The following SGCZ variants were observed in gnomAD, a reference collection of about 807,000 sequenced individuals.
SGCZ encodes zeta-sarcoglycan.
Under a neutral mutation model 41.3 loss-of-function variants are expected in SGCZ, and 40 were observed. The observed-to-expected ratio is 0.97, with a 90% CI of 0.75 to 1.26. SGCZ has a LOEUF of 1.26. Ranked by LOEUF, SGCZ falls within the 50% of genes most tolerant of loss-of-function variation. The pLI is 0.00. For missense variants in SGCZ, 552 were observed against 369.8 expected (o/e 1.49, Z -4.04); for synonymous variants, 206 against 137.5 (o/e 1.50, Z -3.49).
At position 14,088,295 on chromosome 8, in the gene SGCZ, G is replaced by C. The variant is rs1197970278; in HGVS notation, c.*2148C>G. Among the ~76,000 whole-genome samples, 1 of 151,746 alleles carries C rather than the reference G, an allele frequency of 6.6e-6. No homozygotes were observed. The highest frequency in any genetic ancestry group is 1.9e-4 in the East Asian group (1 of 5,132). On this transcript the variant is annotated 3_prime_UTR_variant, in exon 8 of 8. Coordinates refer to ENST00000382080, the MANE Select transcript of SGCZ (RefSeq NM_139167.4). ...TCGAACTGCCTAAAACAGCTCAATT[G>C]ATTAGTAGAAGACAGCTGAGATTAG...
chr8:15,106,367 C>T (rs1411421927), intron 1 of SGCZ, among the ~76,000 whole-genome samples: 2 of 151,974 alleles, frequency 1.3e-5, no homozygotes, highest in African/African-American at 4.8e-5. Context: ...CATATTAACA[C>T]TTTATTTCTA....
chr8:14,755,754 G>A (rs563275497), intron 1 of SGCZ, among the ~76,000 whole-genome samples: 3 of 152,084 alleles, frequency 2.0e-5, no homozygotes, highest in East Asian at 3.9e-4. Context: ...GCTCATAACT[G>A]TGATGAATGC....
chr8:14,947,257 A>G (rs2046096), intron 1 of SGCZ, among the ~76,000 whole-genome samples: 27,777 of 152,164 alleles, frequency 0.18, 3,144 homozygotes, highest in East Asian at 0.31. Context: ...AAATTTCTTA[A>G]TGGACCATTA....
intron 4 of SGCZ, among the ~76,000 whole-genome samples, chr8:14,229,847 A>C (rs1385324102): frequency 4.0e-5 from 6 of 151,896 alleles, no homozygotes; most frequent in African/African-American, 1.2e-4. Context: ...CCTCATCTAC[A>C]TTTTTTCTCC....
chr8:15,147,705 G>T (rs574287196), intron 1 of SGCZ, among the ~76,000 whole-genome samples: 2 of 152,340 alleles, frequency 1.3e-5, no homozygotes, highest in South Asian at 2.1e-4. Context: ...ATAAGACTGA[G>T]AGGAGGGGAG....
chr8:14,482,708 G>A (rs918083354), intron 2 of SGCZ, among the ~76,000 whole-genome samples: 1 of 151,952 alleles, frequency 6.6e-6, no homozygotes, highest in Non-Finnish European at 1.5e-5. Context: ...ATGAGGGTGG[G>A]GATCATACAA....
At chr8:14,309,457 T>A in intron 3 of SGCZ, 1 of 1,605,790 alleles carries the variant, frequency 6.2e-7, no homozygotes, top group East Asian at 2.2e-5. Context: ...ATGACTGCAG[T>A]GATGATGTAT....
Position 14,237,608 on chromosome 8 carries a change from G to T in SGCZ, c.408C>A (p.Thr136=). Residue 136 remains threonine, a synonymous_variant, in exon 4 of 8, where the codon ACC becomes ACA. Coordinates refer to ENST00000382080, the MANE Select transcript of SGCZ (RefSeq NM_139167.4). ...VNARNHMGQL[T]GQLTIGADAV... ...AACACTCACCTATGGTCAGCTGTCC[G>T]GTTAACTGCCCCATGTGATTTCTTG... The T allele has an allele frequency of 1.2e-6, 2 of 1,613,790 alleles. No homozygotes were observed. The highest frequency in any genetic ancestry group is 1.7e-6 in the Non-Finnish European group (2 of 1,179,782).
chr8:14,533,304 A>AT (rs753068863), intron 2 of SGCZ, among the ~76,000 whole-genome samples: 40 of 151,868 alleles, frequency 2.6e-4, no homozygotes, highest in Non-Finnish European at 4.6e-4. Flanking sequence ...AAAATTTAAG[A>AT]ATTTTTTACA....
chr8:14,846,757 T>C (rs766872391), intron 1 of SGCZ, among the ~76,000 whole-genome samples: 1 of 144,964 alleles, frequency 6.9e-6, no homozygotes, highest in Non-Finnish European at 1.5e-5. Context: ...CAGTGGTCAA[T>C]TCAATCACAG....
intron 1 of SGCZ, among the ~76,000 whole-genome samples, chr8:15,059,640 T>C (rs957224311): frequency 6.6e-6 from 1 of 151,752 alleles, no homozygotes; most frequent in Non-Finnish European, 1.5e-5. Flanking sequence ...TGAAATACTG[T>C]CTTCCTAAAT....
intron 2 of SGCZ, among the ~76,000 whole-genome samples, chr8:14,424,594 A>G (rs965848264): frequency 4.0e-5 from 6 of 151,182 alleles, no homozygotes; most frequent in Non-Finnish European, 7.4e-5. Flanking sequence ...TCTATAATTC[A>G]TATATTTTTT....
At position 15,087,114 on chromosome 8, in the gene SGCZ, C is replaced by T. The variant is rs192320061; in HGVS notation, c.39+150471G>A. Among the ~76,000 whole-genome samples, 463 of 152,078 alleles carry T rather than the reference C, an allele frequency of 3.0e-3. 2 individuals are homozygous for T. Among genetic ancestry groups the T allele is most frequent in the Non-Finnish European group, 4.2e-3 (286 of 67,970 alleles). Reference sequence around the variant, plus strand: ...CATACCCTCTCCGTACTTTTGTTACCCTGTCCCTAAAATGAAGATAATAAA... The same window carrying T: ...CATACCCTCTCCGTACTTTTGTTACTCTGTCCCTAAAATGAAGATAATAAA... On this transcript the variant is annotated intron_variant, in intron 1 of 7. Coordinates refer to ENST00000382080, the MANE Select transcript of SGCZ (RefSeq NM_139167.4).
chr8:15,150,612 T>G (rs953680872), intron 1 of SGCZ, among the ~76,000 whole-genome samples: 12 of 152,190 alleles, frequency 7.9e-5, no homozygotes, highest in African/African-American at 2.9e-4. Flanking sequence ...AACAAGTATG[T>G]TGGGATTCTG....
Position 14,102,381 on chromosome 8 carries a change from C to A in SGCZ, c.739G>T (p.Gly247Trp). The A allele has an allele frequency of 6.6e-7, 1 of 1,506,330 alleles. No homozygotes were observed. Among genetic ancestry groups the A allele is most frequent in the South Asian group, 1.3e-5 (1 of 75,574 alleles). 93.3% of individuals were successfully genotyped at this position (1,506,330 alleles called of 1,614,324 possible). Residue 247 changes from glycine (G) to tryptophan (W), a missense_variant, in exon 7 of 8, where the codon GGG (glycine) becomes TGG (tryptophan). By Grantham distance (184) the Gly-to-Trp change is radical. Coordinates refer to ENST00000382080, the MANE Select transcript of SGCZ (RefSeq NM_139167.4). ...RKELHLQSTEGEIFLNAETIK... is the reference protein window; with the variant it reads ...RKELHLQSTEWEIFLNAETIK... ...TCCAACTTTCTGGGACTCACCTCCC[C>A]TTCTGTAGATTGCAGATGGAGCTCC...
chr8:14,228,426 G>A (rs1002135120), intron 4 of SGCZ, among the ~76,000 whole-genome samples: 2 of 151,924 alleles, frequency 1.3e-5, no homozygotes, highest in Non-Finnish European at 2.9e-5. Context: ...AACTGGCTCT[G>A]TAATATATCA....
intron 2 of SGCZ, among the ~76,000 whole-genome samples, chr8:14,345,788 C>G (rs1802872989): frequency 6.6e-6 from 1 of 152,048 alleles, no homozygotes; most frequent in East Asian, 1.9e-4. Flanking sequence ...TATTGCAGTC[C>G]TAGATCATGA....
chr8:14,918,237 T>TAGC (rs1236939365), intron 1 of SGCZ, among the ~76,000 whole-genome samples: 1 of 152,152 alleles, frequency 6.6e-6, no homozygotes, highest in African/African-American at 2.4e-5. Flanking sequence ...GAAGTAAATA[T>TAGC]AGCAGCAGAG....
intron 1 of SGCZ, among the ~76,000 whole-genome samples, chr8:14,780,253 T>C (rs958815161): frequency 2.0e-5 from 3 of 151,568 alleles, no homozygotes; most frequent in Non-Finnish European, 4.4e-5. Flanking sequence ...CGGGCACCTG[T>C]AGTCCCAGCT....
Sources: allele counts gnomAD v4.1 joint callset (sites outside exome capture counted in the v4.1 genomes callset), GRCh38; gene constraint gnomAD v4.1.1; transcripts MANE v1.5; gene names NCBI Gene and HGNC (gene_info 2026-07-23, HGNC 2026-07-21).